The following MTBP variants were observed in gnomAD, a reference collection of about 807,000 sequenced individuals.
The protein encoded by MTBP is MDM2 binding protein.
A neutral mutation model predicts 117.0 loss-of-function variants in MTBP; 101 were observed. The ratio of observed to expected loss-of-function variants is 0.86; its 90% CI spans 0.73 to 1.02. MTBP has a LOEUF of 1.02. MTBP is among the 50% of genes least tolerant of loss of function. MTBP has a pLI of 0.00. For missense variants in MTBP, 970 were observed against 1,030.9 expected, an observed-to-expected ratio of 0.94 and a Z score of 0.81; for synonymous variants, 350 against 351.5, an observed-to-expected ratio of 1.00 and a Z score of 0.05.
At position 120,518,758 on chromosome 8, in the gene MTBP, C is replaced by A. The variant is rs1814964960; in HGVS notation, c.2551C>A (p.His851Asn). The change falls in exon 20 of 22, where the codon CAT becomes AAT. Residue 851 changes from histidine to asparagine, a missense_variant. Transcript: ENST00000305949. ...TLKKHSITET[H>N]ECFTACSQRL... ...GAAGAAACACAGTATTACCGAGACT[C>A]ATGAATGTTTCACTGCATGCAGCCA... 6.2e-7 allele frequency: 1 copy of A among 1,611,960 alleles called. No individual in the cohort carries two copies.
Position 120,518,762 on chromosome 8 carries a change from A to T in MTBP, c.2555A>T (p.Glu852Val). ...AAACACAGTATTACCGAGACTCATGAATGTTTCACTGCATGCAGCCAGCGT... is the reference window on the plus strand; with the variant it reads ...AAACACAGTATTACCGAGACTCATGTATGTTTCACTGCATGCAGCCAGCGT... ...LKKHSITETH[E>V]CFTACSQRLF... Residue 852 changes from glutamate to valine, a missense_variant, in exon 20 of 22, where the codon GAA (glutamate) becomes GTA (valine). Physicochemically the swap from Glu to Val is moderately radical, Grantham distance 121 (BLOSUM62 -2). Coordinates refer to ENST00000305949, the MANE Select transcript of MTBP (RefSeq NM_022045.5). 1 of 1,612,148 alleles carries T rather than the reference A, an allele frequency of 6.2e-7. No homozygotes were observed.
intron 11 of MTBP, among the ~76,000 whole-genome samples, chr8:120,474,461 C>G (rs1813890410): frequency 6.6e-6 from 1 of 151,818 alleles, no homozygotes; most frequent in Non-Finnish European, 1.5e-5. Context: ...CTATCCCTTC[C>G]TAGCATCACT....
chr8:120,498,871 G>C (rs983915330), intron 14 of MTBP, among the ~76,000 whole-genome samples: 6 of 152,292 alleles, frequency 3.9e-5, no homozygotes, highest in Admixed American at 2.6e-4. Flanking sequence ...GTGTATGGGA[G>C]ATAAGGGTTG....
Position 120,497,465 on chromosome 8 carries a change from G to A in MTBP, c.1520G>A (p.Arg507Lys), listed in dbSNP as rs1019424195. 1 of 1,606,510 alleles carries A rather than the reference G, an allele frequency of 6.2e-7. No homozygotes were observed. Among genetic ancestry groups the A allele is most frequent in the Non-Finnish European group, 8.5e-7 (1 of 1,176,126 alleles). The change falls in exon 14 of 22, where the codon AGG becomes AAG. Residue 507 changes from arginine (R) to lysine (K), a missense_variant. Coordinates refer to ENST00000305949, the MANE Select transcript of MTBP (RefSeq NM_022045.5). ...CTCAAAAGTCTGTTAGTACTCACAA[G>A]GAAACACTTTTTAGATTATTTTGAT... ...AELKSLLVLT[R>K]KHFLDYFDAV...
In MTBP at chr8:120,517,478, T is replaced by G. The variant is rs1814938438; in HGVS notation, c.2247-373T>G. Among the ~76,000 whole-genome samples, 3 of 151,972 alleles carry G rather than the reference T, an allele frequency of 2.0e-5. No individual in the cohort carries two copies. The South Asian group carries it at 6.2e-4, about 32-fold the overall frequency. Reference sequence around the variant, plus strand: ...ATTAGCCAAAATCCTAGTTTGCTATTCATTACCTTCTATGTGTTAGTTACT... The same window carrying G: ...ATTAGCCAAAATCCTAGTTTGCTATGCATTACCTTCTATGTGTTAGTTACT... On this transcript the variant is annotated intron_variant, in intron 18 of 21. Transcript: ENST00000305949.
In MTBP at chr8:120,461,258, A is replaced by G. The variant is rs1355948662; in HGVS notation, c.977+3A>G. On this transcript the variant is annotated splice_donor_region_variant and intron_variant, in intron 9 of 21. Transcript: ENST00000305949. ...ATGTCGGATATTGAATTTGAGTTGT[A>G]TCCTTTCATTTACATGTTCATTTTA... 1 of 1,558,848 alleles carries G rather than the reference A, an allele frequency of 6.4e-7. No individual in the cohort carries two copies. Among genetic ancestry groups the G allele is most frequent in the South Asian group, 1.1e-5 (1 of 89,496 alleles).
In MTBP at chr8:120,513,944, A is replaced by G. The variant is rs553745287; in HGVS notation, c.1980-1981A>G. On this transcript the variant is annotated intron_variant, in intron 17 of 21. Coordinates refer to ENST00000305949, the MANE Select transcript of MTBP (RefSeq NM_022045.5). The stretch of plus-strand genomic sequence containing the variant: ...AGAGAGATGCCAAGACCTAGGTTCT[A>G]CTCCCTACTCTGCCACCAACTCACA... 7.2e-4 allele frequency among the ~76,000 whole-genome samples: 110 copies of G among 151,912 alleles called. 1 individual carries two copies. The highest frequency in any genetic ancestry group is 2.5e-3 in the African/African-American group (105 of 41,524).
At position 120,466,243 on chromosome 8, in the gene MTBP, G is replaced by A. The variant is rs1586945296; in HGVS notation, c.1047+2482G>A. ...TTTTTTTTTTTTTAGACGGAGTCTC[G>A]CTCTATTGCCCAGGCTGGAGTGCAA... On this transcript the variant is annotated intron_variant, in intron 10 of 21. Transcript: ENST00000305949. Among the ~76,000 whole-genome samples the A allele has an allele frequency of 2.3e-5, 3 of 131,044 alleles. No individual in the cohort carries two copies. The East Asian group carries it at 6.6e-4, about 29-fold the overall frequency. The allele number at this position is 131,044 out of a possible 152,430, so 86.0% of individuals were successfully genotyped here.
In MTBP at chr8:120,506,782, G is replaced by T. The variant is rs1294459046; in HGVS notation, c.1804G>T (p.Asp602Tyr). 1.2e-6 allele frequency: 2 copies of T among 1,613,548 alleles called. No homozygotes were observed. Among genetic ancestry groups the T allele is most frequent in the Non-Finnish European group, 1.7e-6 (2 of 1,179,622 alleles). ...EGPRDSITLLDAKELLKYFTS... is the reference protein window; with the variant it reads ...EGPRDSITLLYAKELLKYFTS... ...TCCTCGGGACTCAATCACATTGTTG[G>T]ATGCTAAAGAATTGCTGAAGTACTT... Residue 602 changes from aspartate to tyrosine, a missense_variant, in exon 16 of 22, where the codon GAT becomes TAT. Asp to Tyr is a radical substitution (Grantham distance 160, BLOSUM62 -3). Coordinates refer to ENST00000305949, the MANE Select transcript of MTBP (RefSeq NM_022045.5).
At chr8:120,482,318 G>A (rs4073756) in intron 11 of MTBP, among the ~76,000 whole-genome samples, 87,248 of 151,956 alleles carry the variant, frequency 0.57, 26,525 homozygotes, top group Non-Finnish European at 0.67. Flanking sequence ...GAAAATGAGA[G>A]TACTACTACT....
chr8:120,510,070 A>G (rs375818076), intron 17 of MTBP, 41 bp downstream of exon 17: 6 of 1,336,142 alleles, frequency 4.5e-6, no homozygotes, highest in Non-Finnish European at 6.4e-6. Context: ...TATGTTGTTG[A>G]TACAGCCTGT....
intron 11 of MTBP, among the ~76,000 whole-genome samples, chr8:120,476,685 C>A (rs1051871283): frequency 2.6e-5 from 4 of 151,166 alleles, no homozygotes; most frequent in Admixed American, 6.6e-5. Flanking sequence ...CCTAGGAATA[C>A]AACTTACAAG....
At chr8:120,462,241 T>A (rs768481259) in intron 9 of MTBP, among the ~76,000 whole-genome samples, 1 of 152,194 alleles carries the variant, frequency 6.6e-6, no homozygotes, top group Non-Finnish European at 1.5e-5. Flanking sequence ...CTGGTAGGAT[T>A]TTGGAAACCT....
intron 11 of MTBP, among the ~76,000 whole-genome samples, chr8:120,477,965 G>A (rs1444792642): frequency 1.3e-5 from 2 of 152,136 alleles, no homozygotes; most frequent in African/African-American, 4.8e-5. Flanking sequence ...TATGCTTATT[G>A]CTGCACTATT....
chr8:120,471,415 G>C (rs1318077827), intron 11 of MTBP: 1 of 152,718 alleles, frequency 6.5e-6, no homozygotes, highest in Middle Eastern at 3.1e-3. Context: ...TGATTCTCCT[G>C]CTTCAGCCTC....
At chr8:120,505,678 T>C in intron 15 of MTBP, among the ~76,000 whole-genome samples, 1 of 152,190 alleles carries the variant, frequency 6.6e-6, no homozygotes, top group East Asian at 1.9e-4. Context: ...GAAATTAATT[T>C]TCTGTGCAGA....
chr8:120,458,653 A>T (rs1329506766), intron 7 of MTBP, among the ~76,000 whole-genome samples: 12 of 152,018 alleles, frequency 7.9e-5, no homozygotes, highest in Admixed American at 7.9e-4. Context: ...CAGCCTGGCC[A>T]ACATGGTAAA....
At chr8:120,472,570 C>A (rs1361207977) in intron 11 of MTBP, 3 of 152,376 alleles carry the variant, frequency 2.0e-5, no homozygotes, top group East Asian at 3.9e-4. Flanking sequence ...TTCAGTGGAG[C>A]TGGCTGGCTT....
At chr8:120,484,258 TAAC>T (rs1282670879) in intron 11 of MTBP, among the ~76,000 whole-genome samples, 3 of 152,174 alleles carry the variant, frequency 2.0e-5, no homozygotes, top group South Asian at 2.1e-4. Context: ...ATAAAACTGG[TAAC>T]AACAAGTGTT....
Sources: gnomAD v4.1 joint callset for allele counts (sites outside exome capture counted in the v4.1 genomes callset) on GRCh38, gnomAD v4.1.1 for gene constraint, MANE v1.5 for transcripts, NCBI Gene and HGNC (gene_info 2026-07-23, HGNC 2026-07-21) for gene names.